The following EYS variants were observed in gnomAD, a reference collection of about 807,000 sequenced individuals.
EYS encodes EGF-like photoreceptor maintenance factor.
Under a neutral mutation model 282.1 loss-of-function variants are expected in EYS, and 250 were observed. The observed-to-expected ratio is 0.89, with a 90% CI of 0.80 to 0.98. The LOEUF is 0.98. Ranked by LOEUF, EYS falls within the 50% of genes least tolerant of loss-of-function variation. The probability of loss-of-function intolerance (pLI) is 0.00; values close to 1 mark genes in which losing one functional copy is unlikely to be tolerated. For missense variants in EYS, 4,016 were observed against 3,709.0 expected (o/e 1.08, Z -2.15); for synonymous variants, 1,355 against 1,282.9 (o/e 1.06, Z -1.20).
chr6:64,490,849 TC>T (rs1310181410), intron 26 of EYS, among the ~76,000 whole-genome samples: 1 of 150,886 alleles, frequency 6.6e-6, no homozygotes, highest in East Asian at 1.9e-4. Context: ...ATATAAAGCA[TC>T]AGTTTTTACT....
At chr6:65,104,986 G>T (rs914755458) in intron 12 of EYS, among the ~76,000 whole-genome samples, 3 of 151,506 alleles carry the variant, frequency 2.0e-5, no homozygotes, top group Non-Finnish European at 4.4e-5. Flanking sequence ...AAATATTTCT[G>T]CAGGCAAACA....
intron 12 of EYS, among the ~76,000 whole-genome samples, chr6:65,111,770 C>G (rs1775219452): frequency 6.6e-6 from 1 of 152,106 alleles, no homozygotes; most frequent in Non-Finnish European, 1.5e-5. Flanking sequence ...TCATTTGAAC[C>G]CAGGAGGTGG....
At chr6:63,929,097 G>A (rs1764810608) in intron 35 of EYS, among the ~76,000 whole-genome samples, 1 of 152,144 alleles carries the variant, frequency 6.6e-6, no homozygotes, top group African/African-American at 2.4e-5. Flanking sequence ...GGGTCAAATG[G>A]GATCCATGAG....
Position 63,721,078 on chromosome 6 carries a change from T to G in EYS, c.8953A>C (p.Asn2985His), listed in dbSNP as rs1270123250. The change falls in exon 43 of 43, where the codon AAT (asparagine) becomes CAT (histidine). Residue 2985 changes from asparagine (N) to histidine (H), a missense_variant. Coordinates refer to ENST00000503581, the MANE Select transcript of EYS (RefSeq NM_001142800.2). ...RNLQFTTISL[N>H]FSTTKTEGLI... The stretch of plus-strand genomic sequence containing the variant: ...CCTTCTGTTTTAGTGGTACTGAAAT[T>G]TAAGGATATAGTAGTGAACTGGAGG... 3 of 1,551,406 alleles carry G rather than the reference T, an allele frequency of 1.9e-6. No homozygotes were observed. The highest frequency in any genetic ancestry group is 2.4e-5 in the East Asian group (1 of 40,906).
At chr6:64,384,611 A>G (rs9444776) in intron 29 of EYS, among the ~76,000 whole-genome samples, 3,625 of 152,318 alleles carry the variant, frequency 0.024, 74 homozygotes, top group African/African-American at 0.06. Context: ...AGGAATTAAG[A>G]TTTGGTGTCC....
chr6:65,431,543 C>T (rs1367636428), intron 5 of EYS, among the ~76,000 whole-genome samples: 1 of 151,782 alleles, frequency 6.6e-6, no homozygotes, highest in African/African-American at 2.4e-5. Flanking sequence ...GGGAGCTTTC[C>T]TTCTTTAAAT....
chr6:65,497,553 A>G (rs979932035), intron 2 of EYS, among the ~76,000 whole-genome samples: 4 of 151,846 alleles, frequency 2.6e-5, no homozygotes, highest in Non-Finnish European at 4.4e-5. Context: ...AAAGATAAGC[A>G]CTCCATTTAG....
intron 12 of EYS, among the ~76,000 whole-genome samples, chr6:65,166,478 A>C (rs1164516455): frequency 6.6e-6 from 1 of 151,202 alleles, no homozygotes; most frequent in Non-Finnish European, 1.5e-5. Context: ...TGATTCAATA[A>C]GCATAGAATA....
In EYS at chr6:64,261,066, C is replaced by A. The variant is rs9353675; in HGVS notation, c.6192-30242G>T. 1.3e-4 allele frequency among the ~76,000 whole-genome samples: 20 copies of A among 152,048 alleles called. No homozygotes were observed. In the East Asian group the frequency reaches 3.5e-3, roughly 27 times the overall value. On this transcript the variant is annotated intron_variant, in intron 30 of 42. Coordinates refer to ENST00000503581, the MANE Select transcript of EYS (RefSeq NM_001142800.2). ...ACTCTTTTAGTTATTTTAAAATACA[C>A]AATAAATTATTGTTAACTATAGTCA...
chr6:65,555,942 A>G lies in EYS; in HGVS notation c.-332-59949T>C, dbSNP rs528571420. On this transcript the variant is annotated intron_variant, in intron 2 of 42. Transcript: ENST00000503581. ...CAAATATATAATTAAAATTAATTTT[A>G]CCTTTATTTTCACTTTTTTAACATG... 1.2e-3 allele frequency among the ~76,000 whole-genome samples: 186 copies of G among 152,298 alleles called. 1 individual carries two copies. Among genetic ancestry groups the G allele is most frequent in the African/African-American group, 4.3e-3 (177 of 41,580 alleles).
At chr6:65,541,191 G>A (rs1768155789) in intron 2 of EYS, among the ~76,000 whole-genome samples, 1 of 152,008 alleles carries the variant, frequency 6.6e-6, no homozygotes, top group Non-Finnish European at 1.5e-5. Flanking sequence ...TCACACAAAT[G>A]TACATTAAAT....
At chr6:63,786,073 A>T (rs1459251298) in intron 39 of EYS, 1 of 152,002 alleles carries the variant, frequency 6.6e-6, no homozygotes, top group African/African-American at 2.4e-5. Flanking sequence ...TTGTAAGGAT[A>T]TGTTAGCTGG....
chr6:64,310,070 A>T (rs1225932690), intron 29 of EYS, among the ~76,000 whole-genome samples: 6 of 118,780 alleles, frequency 5.1e-5, no homozygotes. Flanking sequence ...TAAAAAAAAT[A>T]AAAAAAAAAA....
At chr6:65,466,058 C>T (rs1423631772) in intron 5 of EYS, among the ~76,000 whole-genome samples, 1 of 151,908 alleles carries the variant, frequency 6.6e-6, no homozygotes, top group Non-Finnish European at 1.5e-5. Context: ...GTTAATGGGA[C>T]AGAGAATTAG....
At chr6:64,531,270 C>T (rs983706637) in intron 26 of EYS, among the ~76,000 whole-genome samples, 5 of 152,006 alleles carry the variant, frequency 3.3e-5, no homozygotes, top group African/African-American at 1.2e-4. Context: ...GTTACCAGCT[C>T]AAAGAATTAG....
intron 14 of EYS, among the ~76,000 whole-genome samples, chr6:64,959,012 G>A (rs1769821747): frequency 6.6e-6 from 1 of 152,158 alleles, no homozygotes; most frequent in Non-Finnish European, 1.5e-5. Flanking sequence ...TTGTCTTATG[G>A]TTAGCCATTA....
intron 13 of EYS, among the ~76,000 whole-genome samples, chr6:65,021,934 T>G (rs1194575695): frequency 6.6e-6 from 1 of 152,102 alleles, no homozygotes; most frequent in Non-Finnish European, 1.5e-5. Flanking sequence ...ACTCACTCAC[T>G]CACTATTACA....
intron 5 of EYS, among the ~76,000 whole-genome samples, chr6:65,426,447 A>G (rs958144894): frequency 4.6e-5 from 7 of 152,148 alleles, no homozygotes; most frequent in Non-Finnish European, 1.0e-4. Context: ...AATGTCTAAA[A>G]AAACACTGAA....
intron 28 of EYS, among the ~76,000 whole-genome samples, chr6:64,435,508 A>C (rs1774712552): frequency 6.6e-6 from 1 of 151,162 alleles, no homozygotes; most frequent in African/African-American, 2.4e-5. Flanking sequence ...CTATTGCCAG[A>C]AAATAATTTA....
Sources: allele counts gnomAD v4.1 joint callset (sites outside exome capture counted in the v4.1 genomes callset), GRCh38; gene constraint gnomAD v4.1.1; transcripts MANE v1.5; gene names NCBI Gene and HGNC (gene_info 2026-07-23, HGNC 2026-07-21).